ENOX1: variants seen among roughly 807,000 people sequenced by gnomAD.
ENOX1 encodes the protein candidate growth-related and time keeping constitutive hydroquinone (NADH) oxidase.
In ENOX1, 42 loss-of-function variants were observed where a neutral mutation model predicts 82.5. The ratio of observed to expected loss-of-function variants is 0.51; its 90% CI spans 0.40 to 0.66. ENOX1 has a LOEUF of 0.66. ENOX1 is among the 30% of genes least tolerant of loss of function. The pLI is 0.00. For missense variants in ENOX1, 608 were observed against 811.6 expected, an observed-to-expected ratio of 0.75 and a Z score of 3.05; for synonymous variants, 271 against 282.2, an observed-to-expected ratio of 0.96 and a Z score of 0.40.
At chr13:43,574,801 C>G (rs2080342045) in intron 2 of ENOX1, among the ~76,000 whole-genome samples, 2 of 152,182 alleles carry the variant, frequency 1.3e-5, no homozygotes, top group Admixed American at 6.5e-5. Context: ...TCCCTCTAGA[C>G]TCTCTGTGTG....
At chr13:43,726,718 T>TTGTGTGTGTGTGTGTGTG (rs55918525) in intron 1 of ENOX1, among the ~76,000 whole-genome samples, 3 of 144,796 alleles carry the variant, frequency 2.1e-5, no homozygotes, top group African/African-American at 7.6e-5. Context: ...GCATTGACTT[T>TTGTGTGTGTGTGTGTGTG]TGTGTGTGTG....
chr13:43,721,903 T>A (rs1268020327), intron 1 of ENOX1, among the ~76,000 whole-genome samples: 1 of 152,112 alleles, frequency 6.6e-6, no homozygotes, highest in African/African-American at 2.4e-5. Flanking sequence ...ACATAGAATG[T>A]GGTGTATAAG....
chr13:43,380,750 A>G (rs1180381077), intron 5 of ENOX1, among the ~76,000 whole-genome samples: 1 of 151,762 alleles, frequency 6.6e-6, no homozygotes, highest in Non-Finnish European at 1.5e-5. Context: ...AGAAAGCTGG[A>G]AAGGGGGCAT....
rs112237388 is a variant in ENOX1, at chr13:43,224,098, G to A, written c.1755C>T (p.Ala585=). 1 of 1,613,882 alleles carries A rather than the reference G, an allele frequency of 6.2e-7. No individual in the cohort carries two copies. Among genetic ancestry groups the A allele is most frequent in the East Asian group, 2.2e-5 (1 of 44,894 alleles). ...TGTATGACCAAAGATATTCTATGTTGGCTCCAAAAGGATGGACGTGAAGAA... is the reference window on the plus strand; with the variant it reads ...TGTATGACCAAAGATATTCTATGTTAGCTCCAAAAGGATGGACGTGAAGAA... The part of the protein sequence containing the change: ...STFLHVHPFG[A]NIEYLWSYMQ... The change falls in exon 16 of 17, where the codon GCC becomes GCT. Residue 585 remains alanine (A), a synonymous_variant. Coordinates refer to ENST00000690772, the MANE Select transcript of ENOX1 (RefSeq NM_001347969.2).
chr13:43,272,615 A>G (rs1303666958), intron 12 of ENOX1, among the ~76,000 whole-genome samples: 1 of 152,132 alleles, frequency 6.6e-6, no homozygotes, highest in African/African-American at 2.4e-5. Flanking sequence ...ATAGGGGTTT[A>G]TTTATAATTT....
intron 1 of ENOX1, among the ~76,000 whole-genome samples, chr13:43,764,641 G>C (rs545710709): frequency 1.3e-5 from 2 of 151,328 alleles, no homozygotes; most frequent in Non-Finnish European, 2.9e-5. Flanking sequence ...AAAAAAAAAC[G>C]GAAAGGTTTG....
At chr13:43,343,373 C>T (rs2049178534) in intron 9 of ENOX1, among the ~76,000 whole-genome samples, 1 of 152,140 alleles carries the variant, frequency 6.6e-6, no homozygotes, top group Non-Finnish European at 1.5e-5. Context: ...GTAATGTGGT[C>T]TGGTATCAGT....
intron 1 of ENOX1, among the ~76,000 whole-genome samples, chr13:43,681,265 A>G (rs949383616): frequency 6.6e-6 from 1 of 152,162 alleles, no homozygotes; most frequent in Non-Finnish European, 1.5e-5. Flanking sequence ...GTCACCACCT[A>G]ACACAATCCT....
At chr13:43,661,734 C>T (rs1239723104) in intron 2 of ENOX1, among the ~76,000 whole-genome samples, 2 of 152,106 alleles carry the variant, frequency 1.3e-5, no homozygotes, top group Admixed American at 6.6e-5. Flanking sequence ...ATTTACAGTA[C>T]TATAGATACA....
chr13:43,502,917 AAAAAT>A (rs993125268), intron 2 of ENOX1, among the ~76,000 whole-genome samples: 10 of 151,652 alleles, frequency 6.6e-5, no homozygotes, highest in African/African-American at 1.7e-4. Flanking sequence ...ATTGGGAAGA[AAAAAT>A]AAAATAATCT....
intron 2 of ENOX1, among the ~76,000 whole-genome samples, chr13:43,504,290 CACTGGAT>C (rs549534908): frequency 2.4e-4 from 37 of 151,712 alleles, no homozygotes; most frequent in Non-Finnish European, 5.0e-4. Flanking sequence ...TCAGAACTAC[CACTGGAT>C]AGTAGAAATC....
chr13:43,371,134 T>A (rs1041846256), intron 5 of ENOX1, among the ~76,000 whole-genome samples: 1 of 152,226 alleles, frequency 6.6e-6, no homozygotes, highest in Admixed American at 6.5e-5. Flanking sequence ...GACTGTTATA[T>A]AATGATAGGG....
chr13:43,655,442 C>A (rs2084385863), intron 2 of ENOX1, among the ~76,000 whole-genome samples: 1 of 152,030 alleles, frequency 6.6e-6, no homozygotes, highest in Non-Finnish European at 1.5e-5. Context: ...TTACCTTTAT[C>A]TTCTGTCTTC....
intron 14 of ENOX1, among the ~76,000 whole-genome samples, chr13:43,256,461 C>G (rs2043751512): frequency 6.6e-6 from 1 of 151,658 alleles, no homozygotes; most frequent in Admixed American, 6.6e-5. Flanking sequence ...AACTCAATAG[C>G]AAAAAGACAA....
intron 13 of ENOX1, among the ~76,000 whole-genome samples, chr13:43,268,596 T>A (rs1454817733): frequency 6.6e-6 from 1 of 152,092 alleles, no homozygotes; most frequent in Non-Finnish European, 1.5e-5. Context: ...ACTCATAAAG[T>A]GACACAGAGC....
At chr13:43,499,786 A>G (rs184972674) in intron 2 of ENOX1, among the ~76,000 whole-genome samples, 3 of 152,256 alleles carry the variant, frequency 2.0e-5, no homozygotes, top group Admixed American at 2.0e-4. Flanking sequence ...TATAACTGCC[A>G]GAAAAAGAAT....
intron 2 of ENOX1, among the ~76,000 whole-genome samples, chr13:43,567,158 A>G (rs76075316): frequency 0.012 from 1,902 of 152,276 alleles, 32 homozygotes; most frequent in African/African-American, 0.044. Context: ...ATATATATAC[A>G]ACTAAAACCT....
At chr13:43,508,547 AGTATAT>A (rs1187656293) in intron 2 of ENOX1, among the ~76,000 whole-genome samples, 2 of 147,978 alleles carry the variant, frequency 1.4e-5, no homozygotes, top group Non-Finnish European at 2.9e-5. Context: ...TGAAAGAATA[AGTATAT>A]TATTCAAAGG....
At position 43,598,002 on chromosome 13, in the gene ENOX1, T is replaced by C. The variant is rs535261894; in HGVS notation, c.-219+69477A>G. 2.0e-5 allele frequency among the ~76,000 whole-genome samples: 3 copies of C among 152,256 alleles called. No homozygotes were observed. In the South Asian group the frequency reaches 6.2e-4, roughly 32 times the overall value. On this transcript the variant is annotated intron_variant, in intron 2 of 16. Coordinates refer to ENST00000690772, the MANE Select transcript of ENOX1 (RefSeq NM_001347969.2). ...CTCCTCCAGCATGCCCTATTCTCCC[T>C]TCCCTGCCTCATCACTCTCTGCAGT...
Sources: gnomAD v4.1 joint callset for allele counts (sites outside exome capture counted in the v4.1 genomes callset) on GRCh38, gnomAD v4.1.1 for gene constraint, MANE v1.5 for transcripts, NCBI Gene and HGNC (gene_info 2026-07-23, HGNC 2026-07-21) for gene names.